Variants in NFKB1 observed in about 807,000 individuals in gnomAD.
NFKB1 encodes the protein nuclear factor kappa B subunit 1, also known as nuclear factor NF-kappa-B p105 subunit.
A neutral mutation model predicts 105.1 loss-of-function variants in NFKB1; 9 were observed. The ratio of observed to expected loss-of-function variants is 0.09; its 90% CI spans 0.05 to 0.15. The LOEUF is 0.15. NFKB1 is among the 10% of genes least tolerant of loss of function. The pLI is 1.00. For missense variants in NFKB1, 830 were observed against 1,203.7 expected, an observed-to-expected ratio of 0.69 and a Z score of 4.59; for synonymous variants, 440 against 442.2, an observed-to-expected ratio of 1.00 and a Z score of 0.06.
In NFKB1 at chr4:102,594,949, GAA is replaced by G; in HGVS notation, c.1269_1270del (p.Thr424TyrfsTer2). 1 of 1,610,790 alleles carries G rather than the reference GAA, an allele frequency of 6.2e-7. No homozygotes were observed. The highest frequency in any genetic ancestry group is 8.5e-7 in the Non-Finnish European group (1 of 1,177,854). On this transcript the variant is annotated frameshift_variant, in exon 13 of 24. Coordinates refer to ENST00000226574, the MANE Select transcript of NFKB1 (RefSeq NM_003998.4). LOFTEE classifies it high-confidence loss of function. ...TATGGTGGGATTACTTTCCATCCTG[GAA>G]CTACTAAATCTAATGCTGGGATGAA... is the stretch of plus-strand genomic sequence containing the variant.
chr4:102,559,520 G>A (rs1338724968), intron 5 of NFKB1, among the ~76,000 whole-genome samples: 1 of 152,248 alleles, frequency 6.6e-6, no homozygotes, highest in East Asian at 1.9e-4. Context: ...AACCAAGGGA[G>A]TAGCAGTGAA....
At position 102,567,154 on chromosome 4, in the gene NFKB1, T is replaced by C. The variant is rs1723946633; in HGVS notation, c.407+19T>C. Reference sequence around the variant, plus strand: ...TGGTCGGGTAAGTAGGGGTATATGATGCTGTGGAAGGTAGGAACAGATAGA... The same window carrying C: ...TGGTCGGGTAAGTAGGGGTATATGACGCTGTGGAAGGTAGGAACAGATAGA... On this transcript the variant is annotated intron_variant, in intron 6 of 23. Coordinates refer to ENST00000226574, the MANE Select transcript of NFKB1 (RefSeq NM_003998.4). 6.2e-7 allele frequency: 1 copy of C among 1,611,034 alleles called. No homozygotes were observed. Among genetic ancestry groups the C allele is most frequent in the Admixed American group, 1.7e-5 (1 of 59,930 alleles).
intron 12 of NFKB1, among the ~76,000 whole-genome samples, chr4:102,594,626 T>C (rs1255646074): frequency 1.3e-5 from 2 of 152,172 alleles, no homozygotes; most frequent in African/African-American, 2.4e-5. Context: ...CCCCTTCACA[T>C]AGGAGTGAAG....
intron 5 of NFKB1, among the ~76,000 whole-genome samples, chr4:102,540,035 C>A (rs576760015): frequency 2.0e-5 from 3 of 151,968 alleles, no homozygotes; most frequent in African/African-American, 4.8e-5. Flanking sequence ...AAATATTGTG[C>A]CTTTATGTAT....
At chr4:102,576,196 AC>A (rs1217849328) in intron 6 of NFKB1, among the ~76,000 whole-genome samples, 1 of 152,156 alleles carries the variant, frequency 6.6e-6, no homozygotes, top group South Asian at 2.1e-4. Context: ...TTAGATGACA[AC>A]TCTAATGGTC....
chr4:102,530,881 T>G (rs1219522852), intron 3 of NFKB1, among the ~76,000 whole-genome samples: 1 of 152,122 alleles, frequency 6.6e-6, no homozygotes, highest in Non-Finnish European at 1.5e-5. Context: ...CTAGTAAAGG[T>G]GTATTTCAGA....
In NFKB1 at chr4:102,584,670, C is replaced by T. The variant is rs1202355583; in HGVS notation, c.928-12C>T. ...AGTCCTACACCAACATGTGGTTCTT[C>T]GTATCCTGCAGTTTGCCATTGTCTT... On this transcript the variant is annotated splice_polypyrimidine_tract_variant and intron_variant, in intron 10 of 23. Transcript: ENST00000226574. The T allele has an allele frequency of 1.1e-5, 18 of 1,577,614 alleles. No homozygotes were observed. The highest frequency in any genetic ancestry group is 6.8e-5 in the East Asian group (3 of 44,204).
chr4:102,554,048 T>C (rs1722808883), intron 5 of NFKB1, among the ~76,000 whole-genome samples: 1 of 152,202 alleles, frequency 6.6e-6, no homozygotes, highest in South Asian at 2.1e-4. Flanking sequence ...GAAAATGTGA[T>C]CTTTGGATGT....
intron 16 of NFKB1, among the ~76,000 whole-genome samples, chr4:102,602,396 C>G (rs1727239268): frequency 6.6e-6 from 1 of 151,248 alleles, no homozygotes; most frequent in East Asian, 1.9e-4. Context: ...AAAAATTAGC[C>G]AGGCATGGTG....
intron 14 of NFKB1, 46 bp downstream of exon 14, chr4:102,596,378 G>A (rs771670126): frequency 1.3e-6 from 2 of 1,518,696 alleles, no homozygotes; most frequent in South Asian, 2.5e-5. Flanking sequence ...CTGGGGAGGG[G>A]TCAGTCCTAG....
intron 11 of NFKB1, among the ~76,000 whole-genome samples, chr4:102,588,837 G>A (rs771670534): frequency 2.0e-5 from 3 of 152,154 alleles, no homozygotes; most frequent in Non-Finnish European, 4.4e-5. Flanking sequence ...CCTCAGATAA[G>A]TCACCTAACC....
At chr4:102,559,187 G>A (rs1723207118) in intron 5 of NFKB1, among the ~76,000 whole-genome samples, 1 of 152,110 alleles carries the variant, frequency 6.6e-6, no homozygotes. Context: ...ACATGAGATG[G>A]TCAGATAGCC....
chr4:102,527,726 T>C (rs1013551269), intron 2 of NFKB1, among the ~76,000 whole-genome samples: 1 of 152,174 alleles, frequency 6.6e-6, no homozygotes, highest in African/African-American at 2.4e-5. Context: ...CAAAACCGTT[T>C]GTTTTACCTT....
intron 1 of NFKB1, among the ~76,000 whole-genome samples, chr4:102,506,468 G>A (rs910355701): frequency 6.6e-6 from 1 of 152,144 alleles, no homozygotes; most frequent in African/African-American, 2.4e-5. Context: ...AGTTAGCAGG[G>A]TTTACTGTAC....
chr4:102,522,684 C>T (rs193209550), intron 1 of NFKB1, among the ~76,000 whole-genome samples: 137 of 152,254 alleles, frequency 9.0e-4, no homozygotes, highest in Non-Finnish European at 1.4e-3. Flanking sequence ...ATAATTAACA[C>T]ATCAACAGCC....
At chr4:102,520,939 T>C (rs980283381) in intron 1 of NFKB1, among the ~76,000 whole-genome samples, 11 of 152,304 alleles carry the variant, frequency 7.2e-5, no homozygotes, top group Admixed American at 2.0e-4. Flanking sequence ...TATTTAAATA[T>C]ATGTTTCTAA....
chr4:102,572,748 A>G (rs1724487660), intron 6 of NFKB1, among the ~76,000 whole-genome samples: 1 of 152,228 alleles, frequency 6.6e-6, no homozygotes, highest in African/African-American at 2.4e-5. Flanking sequence ...TCTCTTGAAA[A>G]GTATCTAAAA....
rs1021775581 is a variant in NFKB1 at position 102,519,407 on chromosome 4, A to T, written c.-7-6105A>T. ...TATATATAATATTATAAGTATATAT[A>T]CTTTTATCATACCATCAGTGAGTAT... On this transcript the variant is annotated intron_variant, in intron 1 of 23. Coordinates refer to ENST00000226574, the MANE Select transcript of NFKB1 (RefSeq NM_003998.4). 6.1e-5 allele frequency among the ~76,000 whole-genome samples: 9 copies of T among 148,642 alleles called. No individual in the cohort carries two copies. In the Admixed American group the frequency reaches 6.1e-4, roughly 10 times the overall value.
intron 5 of NFKB1, among the ~76,000 whole-genome samples, chr4:102,558,813 G>A (rs1189838300): frequency 1.3e-5 from 2 of 152,108 alleles, no homozygotes; most frequent in African/African-American, 4.8e-5. Flanking sequence ...ACCACACCCA[G>A]CTTCCCCACT....
Sources: gnomAD v4.1 joint callset for allele counts (sites outside exome capture counted in the v4.1 genomes callset) on GRCh38, gnomAD v4.1.1 for gene constraint, MANE v1.5 for transcripts, NCBI Gene and HGNC (gene_info 2026-07-23, HGNC 2026-07-21) for gene names.